The following PLCH1 variants were observed in gnomAD, a reference collection of about 807,000 sequenced individuals.
PLCH1 encodes phospholipase C eta 1.
In PLCH1, 60 loss-of-function variants were observed where a neutral mutation model predicts 126.7. The observed-to-expected ratio is 0.47, with a 90% CI of 0.38 to 0.59. The LOEUF is 0.59. PLCH1 is among the 20% of genes least tolerant of loss of function. The pLI is 0.00. For synonymous variants in PLCH1, 719 were observed against 734.9 expected (o/e 0.98, Z 0.35); for missense variants, 1,723 against 2,040.0 (o/e 0.84, Z 2.99).
chr3:155,732,869 C>A (rs1458583166), intron 1 of PLCH1, among the ~76,000 whole-genome samples: 1 of 99,276 alleles, frequency 1.0e-5, no homozygotes, highest in Non-Finnish European at 2.0e-5. Flanking sequence ...CAGGGTGAGA[C>A]TGCATCTCAA....
intron 10 of PLCH1, among the ~76,000 whole-genome samples, chr3:155,548,336 A>T (rs1316796807): frequency 1.3e-5 from 2 of 152,226 alleles, no homozygotes; most frequent in South Asian, 2.1e-4. Flanking sequence ...CAACATTACT[A>T]CTAGCAAATG....
At chr3:155,520,770 A>G (rs1397236701) in intron 11 of PLCH1, among the ~76,000 whole-genome samples, 1 of 152,212 alleles carries the variant, frequency 6.6e-6, no homozygotes, top group Non-Finnish European at 1.5e-5. Context: ...CACTGGCTTT[A>G]CCTTGTGGCT....
At chr3:155,610,815 A>T (rs993966813) in intron 2 of PLCH1, among the ~76,000 whole-genome samples, 2 of 152,122 alleles carry the variant, frequency 1.3e-5, no homozygotes, top group African/African-American at 4.8e-5. Context: ...AAAAAAAAAC[A>T]CAAGGAATTC....
chr3:155,664,704 AG>A (rs1335582315), intron 2 of PLCH1, among the ~76,000 whole-genome samples: 5 of 152,222 alleles, frequency 3.3e-5, no homozygotes, highest in Admixed American at 1.3e-4. Context: ...TGTTGATGAA[AG>A]CTTCCCCTTG....
chr3:155,489,617 A>C (rs1055742648), intron 19 of PLCH1, among the ~76,000 whole-genome samples: 2 of 152,204 alleles, frequency 1.3e-5, no homozygotes, highest in African/African-American at 4.8e-5. Context: ...TTACTGCATG[A>C]ATGATGGCAT....
At chr3:155,629,804 T>G (rs368350992) in intron 2 of PLCH1, among the ~76,000 whole-genome samples, 14 of 152,208 alleles carry the variant, frequency 9.2e-5, no homozygotes, top group Admixed American at 7.2e-4. Flanking sequence ...CTCCTGCCCT[T>G]CTTTCCAAAG....
At chr3:155,483,393 CA>C in intron 22 of PLCH1, 1 of 1,534,852 alleles carries the variant, frequency 6.5e-7, no homozygotes, top group African/African-American at 1.4e-5. Flanking sequence ...AGAAGCATGG[CA>C]ATAGAAACAG....
chr3:155,578,062 T>A (rs1003913002), intron 6 of PLCH1, among the ~76,000 whole-genome samples: 19 of 152,212 alleles, frequency 1.2e-4, no homozygotes, highest in African/African-American at 4.3e-4. Flanking sequence ...GTGTGTGGAA[T>A]GCAGGTGTTT....
Position 155,482,926 on chromosome 3 carries a change from T to C in PLCH1, c.3100A>G (p.Thr1034Ala), listed in dbSNP as rs779893162. 6 of 1,614,190 alleles carry C rather than the reference T, an allele frequency of 3.7e-6. No individual in the cohort carries two copies. Among genetic ancestry groups the C allele is most frequent in the Non-Finnish European group, 5.1e-6 (6 of 1,180,020 alleles). ...GACATGTGGGCAGTAGATACAATGG[T>C]GTCCCCTTGGCTGGTATCTTTGTGG... ...LLHKDTSQGD[T>A]IVSTAHMSVT... The change falls in exon 23 of 23, where the codon ACC (threonine) becomes GCC (alanine). Residue 1034 changes from threonine to alanine, a missense_variant. Around this residue, in one of 2 missense-constraint regions of PLCH1, gnomAD observed 947 missense variants for 977.1 expected, o/e 0.97. Transcript: ENST00000460012.
intron 7 of PLCH1, 36 bp downstream of exon 7, chr3:155,568,195 C>A: frequency 1.1e-6 from 1 of 939,278 alleles, no homozygotes; most frequent in Non-Finnish European, 1.7e-6. Flanking sequence ...CAGGCTGAAT[C>A]AAGAAATGAG....
intron 2 of PLCH1, among the ~76,000 whole-genome samples, chr3:155,628,021 G>C (rs1288040669): frequency 6.6e-6 from 1 of 151,868 alleles, no homozygotes; most frequent in Non-Finnish European, 1.5e-5. Flanking sequence ...CCCCCTTCGG[G>C]CTCCCAAAAT....
rs1237363577 is a variant in PLCH1 at position 155,693,328 on chromosome 3, G to A, written c.79+10818C>T. Among the ~76,000 whole-genome samples, 44 of 75,210 alleles carry A rather than the reference G, an allele frequency of 5.9e-4. 10 individuals carry two copies. The highest frequency in any genetic ancestry group is 8.8e-4 in the Non-Finnish European group (41 of 46,626). 49.3% of individuals were successfully genotyped at this position (75,210 alleles called of 152,430 possible). A position where few individuals can be genotyped will look rare whatever the true frequency, so the allele number is the denominator to read the frequency against. On this transcript the variant is annotated intron_variant, in intron 2 of 22. Coordinates refer to ENST00000460012, the MANE Select transcript of PLCH1 (RefSeq NM_014996.4). ...AAAATACAAAAAATTAGCCGGGCGC[G>A]GTGGCGGGCGCCTGTAGTCCCAGCT...
intron 2 of PLCH1, among the ~76,000 whole-genome samples, chr3:155,605,127 G>A (rs1169906516): frequency 1.3e-5 from 2 of 152,160 alleles, no homozygotes; most frequent in African/African-American, 4.8e-5. Context: ...ATGTCCTGGG[G>A]AGCATGACCC....
At chr3:155,613,870 C>T (rs966108462) in intron 2 of PLCH1, among the ~76,000 whole-genome samples, 14 of 151,864 alleles carry the variant, frequency 9.2e-5, no homozygotes, top group African/African-American at 2.2e-4. Flanking sequence ...TGTCATTGTT[C>T]GCCAACGATA....
rs1713904622 is a variant in PLCH1, at chr3:155,480,909, G to T, written c.*59C>A. On this transcript the variant is annotated 3_prime_UTR_variant, in exon 23 of 23. Coordinates refer to ENST00000460012, the MANE Select transcript of PLCH1 (RefSeq NM_014996.4). ...TCCAAAGCCAAGGAACTTATTTACT[G>T]AAAACTCTGACATTCTACAGAATAC... 11 of 1,377,056 alleles carry T rather than the reference G, an allele frequency of 8.0e-6. No homozygotes were observed. The South Asian group carries it at 1.6e-4, about 19-fold the overall frequency. The allele number at this position is 1,377,056 out of a possible 1,614,324, so 85.3% of individuals were successfully genotyped here. A position where few individuals can be genotyped will look rare whatever the true frequency, so the allele number is the denominator to read the frequency against.
chr3:155,572,377 A>T (rs796184843), intron 6 of PLCH1, among the ~76,000 whole-genome samples: 25 of 152,288 alleles, frequency 1.6e-4, no homozygotes, highest in African/African-American at 5.5e-4. Flanking sequence ...GAGAAATCTG[A>T]TGCCATTCTG....
chr3:155,673,048 C>CT (rs66672315), intron 2 of PLCH1, among the ~76,000 whole-genome samples: 5,943 of 68,198 alleles, frequency 0.087, 1,158 homozygotes, highest in East Asian at 0.13. Flanking sequence ...CTTCTGTTGC[C>CT]TTTTTTTTTT....
chr3:155,606,630 A>G (rs912477372), intron 2 of PLCH1, among the ~76,000 whole-genome samples: 4 of 152,246 alleles, frequency 2.6e-5, no homozygotes, highest in Admixed American at 2.6e-4. Context: ...TTATTACCAC[A>G]GGAAAATACT....
chr3:155,630,022 A>G (rs1300623464), intron 2 of PLCH1, among the ~76,000 whole-genome samples: 1 of 152,162 alleles, frequency 6.6e-6, no homozygotes, highest in Non-Finnish European at 1.5e-5. Flanking sequence ...CATTTTCTTC[A>G]TTTCCTGTCA....
Sources: allele counts gnomAD v4.1 joint callset (sites outside exome capture counted in the v4.1 genomes callset), GRCh38; gene constraint gnomAD v4.1.1; regional missense constraint gnomAD v4.1.1; transcripts MANE v1.5; gene names NCBI Gene and HGNC (gene_info 2026-07-23, HGNC 2026-07-21).